The following ZNF417 variants were observed in gnomAD, a reference collection of about 807,000 sequenced individuals.
ZNF417 encodes the protein zinc finger protein 417.
ZNF417 carries 5 observed loss-of-function variants against 7.4 expected under a neutral mutation model. The ratio of observed to expected loss-of-function variants is 0.68; its 90% CI spans 0.35 to 1.43. The LOEUF is 1.43. Ranked by LOEUF, ZNF417 falls within the 40% of genes most tolerant of loss-of-function variation. The pLI, the probability that ZNF417 is intolerant of heterozygous loss-of-function variation, is 0.04. For missense variants in ZNF417, 437 were observed against 697.3 expected (o/e 0.63, Z 4.20); for synonymous variants, 147 against 239.1 (o/e 0.61, Z 3.55).
At position 57,912,043 on chromosome 19, in the gene ZNF417, G is replaced by C. The variant is rs369314290; in HGVS notation, c.163+17C>G. On this transcript the variant is annotated intron_variant, in intron 2 of 2. Coordinates refer to ENST00000312026, the MANE Select transcript of ZNF417 (RefSeq NM_152475.3). Reference sequence around the variant, plus strand: ...TAACACTAGCTCAGGTCACAAAGGTGAGCGTGAGCAACTTACCCAGCGAGG... The same window carrying C: ...TAACACTAGCTCAGGTCACAAAGGTCAGCGTGAGCAACTTACCCAGCGAGG... 1.6e-4 allele frequency: 241 copies of C among 1,552,780 alleles called. No homozygotes were observed. Among genetic ancestry groups the C allele is most frequent in the Non-Finnish European group, 2.1e-4 (236 of 1,150,082 alleles).
rs991327237 is a variant in ZNF417 at position 57,905,860 on chromosome 19, A to G, written c.*2690T>C. Among the ~76,000 whole-genome samples, 4 of 152,274 alleles carry G rather than the reference A, an allele frequency of 2.6e-5. No homozygotes were observed. Among genetic ancestry groups the G allele is most frequent in the African/African-American group, 7.2e-5 (3 of 41,476 alleles). ...CATACAAGCAGGAAGATTTAACTTC[A>G]TAAGAGAATTAACAAAAGTTGTATT... On this transcript the variant is annotated 3_prime_UTR_variant, in exon 3 of 3. Coordinates refer to ENST00000312026, the MANE Select transcript of ZNF417 (RefSeq NM_152475.3).
intron 1 of ZNF417, among the ~76,000 whole-genome samples, chr19:57,912,744 G>C (rs1186110364): frequency 6.6e-6 from 1 of 151,996 alleles, no homozygotes; most frequent in Non-Finnish European, 1.5e-5. Flanking sequence ...AAGTAGCCGG[G>C]ATTACAGCCA....
Position 57,916,484 on chromosome 19 carries a change from C to G in ZNF417, c.-73G>C, listed in dbSNP as rs1356569305. The G allele has an allele frequency of 5.0e-6, 8 of 1,611,304 alleles. No individual in the cohort carries two copies. The East Asian group carries it at 1.6e-4, about 31-fold the overall frequency. ...GGGCTGCAGAGCCGCCTCTGGGCAC[C>G]GAGGACGATTCCTCTCCACCTTCTA... On this transcript the variant is annotated 5_prime_UTR_variant, in exon 1 of 3. Transcript: ENST00000312026.
At chr19:57,916,289 A>G in intron 1 of ZNF417, 90 bp downstream of exon 1, 1 of 1,609,222 alleles carries the variant, frequency 6.2e-7, no homozygotes, top group Non-Finnish European at 8.5e-7. Context: ...GGTACCGGCT[A>G]CAGACCCGTG....
At position 57,906,514 on chromosome 19, in the gene ZNF417, G is replaced by A. The variant is rs1428861072; in HGVS notation, c.*2036C>T. Among the ~76,000 whole-genome samples, 1 of 151,906 alleles carries A rather than the reference G, an allele frequency of 6.6e-6. No homozygotes were observed. Among genetic ancestry groups the A allele is most frequent in the Non-Finnish European group, 1.5e-5 (1 of 68,004 alleles). On this transcript the variant is annotated 3_prime_UTR_variant, in exon 3 of 3. Transcript: ENST00000312026. ...GCCGTGGCAGATGCCTGTAATCCCA[G>A]CACTTTAGGAGGCTGAGGGGGGTGG...
intron 2 of ZNF417, 36 bp downstream of exon 2, chr19:57,912,024 T>G: frequency 6.5e-7 from 1 of 1,541,468 alleles, no homozygotes; most frequent in Non-Finnish European, 8.7e-7. Context: ...ACAGTAACAC[T>G]AGCTCAGGTC....
At position 57,908,627 on chromosome 19, in the gene ZNF417, T is replaced by C; in HGVS notation, c.1651A>G (p.Thr551Ala). The change falls in exon 3 of 3, where the codon ACC becomes GCC. Residue 551 changes from threonine (T) to alanine (A), a missense_variant. Thr to Ala is a moderately conservative substitution (Grantham distance 58). Transcript: ENST00000312026. ...IHTGERPYEC[T>A]KCGKTFQRSS... ...CGCTGAAATGTTTTTCCACATTTGG[T>C]ACATTCATAAGGCCTTTCTCCAGTG... 6.2e-7 allele frequency: 1 copy of C among 1,614,026 alleles called. No individual in the cohort carries two copies. Among genetic ancestry groups the C allele is most frequent in the Middle Eastern group, 1.7e-4 (1 of 6,060 alleles).
At chr19:57,910,566 T>C (rs923721727) in intron 2 of ZNF417, among the ~76,000 whole-genome samples, 2 of 151,270 alleles carry the variant, frequency 1.3e-5, no homozygotes, top group African/African-American at 4.9e-5. Context: ...ATAATAATAA[T>C]AAAAAGAAGA....
rs1255797838 is a variant in ZNF417, at chr19:57,916,397, C to T, written c.15G>A (p.Ala5=). Residue 5 remains alanine (A), a synonymous_variant, in exon 1 of 3, where the codon GCG becomes GCA. Transcript: ENST00000312026. ...CAATTACCTGAGTCGGGCGCCTCGG[C>T]GCAGCCGCTGCCATCGGACTACTTG... is the stretch of plus-strand genomic sequence containing the variant. MAAA[A]PRRPTQQGTV... 21 of 1,614,030 alleles carry T rather than the reference C, an allele frequency of 1.3e-5. 1 individual carries two copies. Among genetic ancestry groups the T allele is most frequent in the South Asian group, 2.2e-5 (2 of 91,080 alleles).
chr19:57,915,617 G>A (rs550390513), intron 1 of ZNF417: 3 of 358,406 alleles, frequency 8.4e-6, no homozygotes, highest in Non-Finnish European at 1.5e-5. Context: ...TTCATTCCTG[G>A]GTATAGGCTG....
intron 1 of ZNF417, among the ~76,000 whole-genome samples, chr19:57,913,963 C>T (rs2071921739): frequency 6.6e-6 from 1 of 152,170 alleles, no homozygotes; most frequent in African/African-American, 2.4e-5. Flanking sequence ...AGTATCAACA[C>T]CCTCCCAGAT....
chr19:57,914,846 C>T (rs1422940220), intron 1 of ZNF417, among the ~76,000 whole-genome samples: 2 of 152,220 alleles, frequency 1.3e-5, no homozygotes, highest in Non-Finnish European at 2.9e-5. Context: ...CCTGCCATGG[C>T]CTCAGTATCC....
In ZNF417 at chr19:57,908,954, C is replaced by T; in HGVS notation, c.1324G>A (p.Gly442Arg). ...TGATACTTCCTGTTAAATAATTTCC[C>T]ACATTCCCTACAATTGTAAGGTCTT... ...GERPYNCREC[G>R]KLFNRKYHLL... Residue 442 changes from glycine (G) to arginine (R), a missense_variant, in exon 3 of 3, where the codon GGG becomes AGG. By Grantham distance (125) the Gly-to-Arg change is moderately radical. Transcript: ENST00000312026. The T allele has an allele frequency of 2.5e-6, 4 of 1,614,024 alleles. No individual in the cohort carries two copies. The highest frequency in any genetic ancestry group is 3.4e-6 in the Non-Finnish European group (4 of 1,179,970).
rs374076096 is a variant in ZNF417, at chr19:57,908,719, T to C, written c.1559A>G (p.Tyr520Cys). The C allele has an allele frequency of 9.9e-6, 16 of 1,614,184 alleles. No individual in the cohort carries two copies. Among genetic ancestry groups the C allele is most frequent in the Non-Finnish European group, 1.4e-5 (16 of 1,180,032 alleles). The change falls in exon 3 of 3, where the codon TAT (tyrosine) becomes TGT (cysteine). Residue 520 changes from tyrosine (Y) to cysteine (C), a missense_variant. This residue lies in a region of ZNF417 where 233 missense variants were observed against 235.5 expected (regional missense o/e 0.99). Transcript: ENST00000312026. Reference sequence around the variant, plus strand: ...GGATTTTCCACATTCACTGCACTTATAAGGCTTTTGTCCAGAATGAACTCT... The same window carrying C: ...GGATTTTCCACATTCACTGCACTTACAAGGCTTTTGTCCAGAATGAACTCT... ...HKRVHSGQKPYKCSECGKSFA... is the reference protein window; with the variant it reads ...HKRVHSGQKPCKCSECGKSFA...
chr19:57,910,750 T>C (rs1296580989), intron 2 of ZNF417, among the ~76,000 whole-genome samples: 1 of 151,178 alleles, frequency 6.6e-6, no homozygotes, highest in African/African-American at 2.4e-5. Flanking sequence ...GAGTGCTATG[T>C]AGAAGCATAT....
In ZNF417 at chr19:57,909,378, C is replaced by G. The variant is rs765108354; in HGVS notation, c.900G>C (p.Glu300Asp). Residue 300 changes from glutamate (E) to aspartate (D), a missense_variant, in exon 3 of 3, where the codon GAG (glutamate) becomes GAC (aspartate). By Grantham distance (45) the Glu-to-Asp change is conservative. Around this residue, in one of 5 missense-constraint regions of ZNF417, gnomAD observed 34 missense variants for 33.3 expected, o/e 1.02. Transcript: ENST00000312026. ...HTGKTAYPCEECGKSFSQKGS... is the reference protein window; with the variant it reads ...HTGKTAYPCEDCGKSFSQKGS... ...CCTTCTGACTAAAAGATTTCCCGCA[C>G]TCCTCACAGGGATAAGCTGTCTTTC... 3 of 1,614,214 alleles carry G rather than the reference C, an allele frequency of 1.9e-6. No individual in the cohort carries two copies. Among genetic ancestry groups the G allele is most frequent in the Non-Finnish European group, 2.5e-6 (3 of 1,180,048 alleles).
chr19:57,916,207 A>G (rs1203374255), intron 1 of ZNF417, among the ~76,000 whole-genome samples, 172 bp downstream of exon 1: 2 of 144,378 alleles, frequency 1.4e-5, no homozygotes, highest in African/African-American at 5.9e-5. Context: ...CCCACTGGAC[A>G]GTTACACAGG....
chr19:57,915,624 G>A (rs1356639494), intron 1 of ZNF417: 1 of 362,284 alleles, frequency 2.8e-6, no homozygotes, highest in Non-Finnish European at 4.9e-6. Context: ...CTGGGTATAG[G>A]CTGAATTAAC....
rs372958945 is a variant in ZNF417, at chr19:57,909,375, G to A, written c.903C>T (p.Cys301=). The A allele has an allele frequency of 5.3e-5, 85 of 1,613,958 alleles. No individual in the cohort carries two copies. The highest frequency in any genetic ancestry group is 2.3e-4 in the African/African-American group (17 of 74,882). Residue 301 remains cysteine (C), a synonymous_variant, in exon 3 of 3, where the codon TGC becomes TGT. Transcript: ENST00000312026. ...TGKTAYPCEE[C]GKSFSQKGSL... ...TGCCCTTCTGACTAAAAGATTTCCCGCACTCCTCACAGGGATAAGCTGTCT... is the reference window on the plus strand; with the variant it reads ...TGCCCTTCTGACTAAAAGATTTCCCACACTCCTCACAGGGATAAGCTGTCT...
Sources: allele counts gnomAD v4.1 joint callset (sites outside exome capture counted in the v4.1 genomes callset), GRCh38; gene constraint gnomAD v4.1.1; regional missense constraint gnomAD v4.1.1; transcripts MANE v1.5; gene names NCBI Gene and HGNC (gene_info 2026-07-23, HGNC 2026-07-21).